CSGALNACT1: variants seen among roughly 807,000 people sequenced by gnomAD.
CSGALNACT1 encodes the protein beta4GalNAcT-1.
In CSGALNACT1, 52 loss-of-function variants were observed where a neutral mutation model predicts 51.0. That is an observed-to-expected ratio of 1.02 (90% confidence interval 0.82 to 1.29). CSGALNACT1 has a LOEUF of 1.29. Among genes scored for constraint, CSGALNACT1 ranks in the 50% most tolerant of loss-of-function variants. CSGALNACT1 has a pLI of 0.00. For missense variants in CSGALNACT1, 935 were observed against 679.2 expected (o/e 1.38, Z -4.19); for synonymous variants, 341 against 254.4 (o/e 1.34, Z -3.24).
intron 1 of CSGALNACT1, among the ~76,000 whole-genome samples, chr8:19,721,982 A>G (rs1000576725): frequency 6.6e-6 from 1 of 151,784 alleles, no homozygotes; most frequent in Non-Finnish European, 1.5e-5. Flanking sequence ...TCAGCTCCCA[A>G]TACCTAGTAA....
chr8:19,521,692 G>C lies in CSGALNACT1; in HGVS notation c.-296-15562C>G, dbSNP rs114149886. 9.2e-5 allele frequency among the ~76,000 whole-genome samples: 14 copies of C among 152,266 alleles called. No homozygotes were observed. The South Asian group carries it at 2.9e-3, about 32-fold the overall frequency. On this transcript the variant is annotated intron_variant, in intron 3 of 9. Transcript: ENST00000454498. ...TAAAAACAAGAAGAAGAAGAATAGC[G>C]CCAGGGTTTAACATGTACATTTCTG...
intron 1 of CSGALNACT1, among the ~76,000 whole-genome samples, chr8:19,699,895 G>A (rs554928560): frequency 3.3e-5 from 5 of 152,212 alleles, no homozygotes; most frequent in South Asian, 2.1e-4. Context: ...GACAGATCAC[G>A]AAGTCAGGAG....
chr8:19,422,123 TAA>T (rs1361413695), intron 6 of CSGALNACT1, among the ~76,000 whole-genome samples: 1 of 152,188 alleles, frequency 6.6e-6, no homozygotes, highest in Non-Finnish European at 1.5e-5. Context: ...CTTTACACAC[TAA>T]GACGCTATTT....
At chr8:19,484,538 A>G (rs572002658) in intron 4 of CSGALNACT1, among the ~76,000 whole-genome samples, 5 of 152,210 alleles carry the variant, frequency 3.3e-5, no homozygotes, top group Non-Finnish European at 7.3e-5. Context: ...CATGTCTTAC[A>G]TGACAGCAGG....
At chr8:19,677,593 T>C (rs780367665) in intron 1 of CSGALNACT1, among the ~76,000 whole-genome samples, 1 of 152,204 alleles carries the variant, frequency 6.6e-6, no homozygotes, top group Non-Finnish European at 1.5e-5. Flanking sequence ...GGCCAGAGTA[T>C]GCACATTTTA....
intron 3 of CSGALNACT1, among the ~76,000 whole-genome samples, chr8:19,522,110 A>G (rs2080848010): frequency 6.6e-6 from 1 of 152,234 alleles, no homozygotes; most frequent in African/African-American, 2.4e-5. Context: ...CTTGTCTTAT[A>G]GAGTCCTCAT....
At chr8:19,664,032 G>A (rs779695497) in intron 1 of CSGALNACT1, among the ~76,000 whole-genome samples, 11 of 148,264 alleles carry the variant, frequency 7.4e-5, no homozygotes, top group African/African-American at 2.1e-4. Flanking sequence ...GTGAAAGCGC[G>A]GGCCAGGGGT....
chr8:19,529,519 C>T (rs935613296), intron 3 of CSGALNACT1, among the ~76,000 whole-genome samples: 2 of 152,168 alleles, frequency 1.3e-5, no homozygotes, highest in Non-Finnish European at 2.9e-5. Context: ...AATAACATTT[C>T]ATTCATCATT....
intron 8 of CSGALNACT1, among the ~76,000 whole-genome samples, chr8:19,413,006 G>A (rs1039201422): frequency 2.0e-5 from 3 of 152,128 alleles, no homozygotes; most frequent in Admixed American, 6.5e-5. Context: ...CTAAGACTCC[G>A]GGGACAGTTC....
intron 2 of CSGALNACT1, among the ~76,000 whole-genome samples, chr8:19,600,520 C>T (rs1392486155): frequency 6.6e-6 from 1 of 152,192 alleles, no homozygotes. Flanking sequence ...TTAAACATCA[C>T]AAGGCCCAAG....
At chr8:19,487,669 G>GC (rs1305931370) in intron 4 of CSGALNACT1, among the ~76,000 whole-genome samples, 2 of 152,156 alleles carry the variant, frequency 1.3e-5, no homozygotes, top group African/African-American at 4.8e-5. Flanking sequence ...CAGCTAAGGT[G>GC]CTTGGTACAA....
intron 1 of CSGALNACT1, among the ~76,000 whole-genome samples, chr8:19,661,315 A>G (rs989593143): frequency 1.3e-5 from 2 of 152,166 alleles, no homozygotes; most frequent in African/African-American, 4.8e-5. Flanking sequence ...CTCTGCCTAG[A>G]GCATGTGAAG....
intron 1 of CSGALNACT1, among the ~76,000 whole-genome samples, chr8:19,674,284 CTG>C (rs547409352): frequency 6.6e-5 from 10 of 151,556 alleles, no homozygotes; most frequent in Non-Finnish European, 1.3e-4. Context: ...CAAAGTGTGA[CTG>C]TGTCTCAAAA....
chr8:19,690,252 C>T (rs1438843543), intron 1 of CSGALNACT1, among the ~76,000 whole-genome samples: 2 of 152,182 alleles, frequency 1.3e-5, no homozygotes. Flanking sequence ...TACCTCTTTT[C>T]CTTCCAGAAG....
chr8:19,657,695 T>A (rs1267587593), intron 1 of CSGALNACT1, among the ~76,000 whole-genome samples: 1 of 152,076 alleles, frequency 6.6e-6, no homozygotes, highest in Non-Finnish European at 1.5e-5. Context: ...GCAAAACAAA[T>A]CTGAGGAAAG....
intron 1 of CSGALNACT1, among the ~76,000 whole-genome samples, chr8:19,722,007 C>T (rs370013595): frequency 6.6e-6 from 1 of 151,262 alleles, no homozygotes; most frequent in Non-Finnish European, 1.5e-5. Flanking sequence ...TCGACTCAAG[C>T]AAAAAAAAGA....
chr8:19,581,526 G>A (rs886494583), intron 3 of CSGALNACT1, among the ~76,000 whole-genome samples: 1 of 152,142 alleles, frequency 6.6e-6, no homozygotes, highest in Admixed American at 6.5e-5. Flanking sequence ...AGAATCGCTT[G>A]AACCAGGGAG....
intron 2 of CSGALNACT1, among the ~76,000 whole-genome samples, chr8:19,599,225 T>C (rs1164391096): frequency 2.0e-5 from 3 of 151,956 alleles, no homozygotes; most frequent in Non-Finnish European, 4.4e-5. Flanking sequence ...AGCACATCTT[T>C]TCTTTGATAG....
At chr8:19,487,838 G>T (rs370080865) in intron 4 of CSGALNACT1, among the ~76,000 whole-genome samples, 13 of 152,066 alleles carry the variant, frequency 8.5e-5, no homozygotes, top group Middle Eastern at 3.2e-3. Flanking sequence ...CAGCTTGGGG[G>T]TTTAGAATGG....
Sources: allele counts gnomAD v4.1 joint callset (sites outside exome capture counted in the v4.1 genomes callset), GRCh38; gene constraint gnomAD v4.1.1; transcripts MANE v1.5; gene names NCBI Gene and HGNC (gene_info 2026-07-23, HGNC 2026-07-21).